ME2: variants seen among roughly 807,000 people sequenced by gnomAD.
ME2 encodes malic enzyme 2.
A neutral mutation model predicts 73.7 loss-of-function variants in ME2; 60 were observed. That is an observed-to-expected ratio of 0.81 (90% CI 0.66 to 1.01). ME2 has a LOEUF of 1.01. Among genes scored for constraint, ME2 ranks in the 50% least tolerant of loss-of-function variants. ME2 has a pLI of 0.00. For missense variants in ME2, 594 were observed against 705.5 expected (o/e 0.84, Z 1.79); for synonymous variants, 199 against 236.9 (o/e 0.84, Z 1.47).
At position 50,916,210 on chromosome 18, in the gene ME2, A is replaced by G. The variant is rs774463267; in HGVS notation, c.435A>G (p.Ser145=). The G allele has an allele frequency of 2.1e-5, 34 of 1,612,890 alleles. No homozygotes were observed. Among genetic ancestry groups the G allele is most frequent in the Non-Finnish European group, 2.7e-5 (32 of 1,179,400 alleles). The change falls in exon 5 of 16, where the codon TCA becomes TCG. Residue 145 remains serine (S), a synonymous_variant. Coordinates refer to ENST00000321341, the MANE Select transcript of ME2 (RefSeq NM_002396.5). ...ISISDRGHVR[S]IVDNWPENHV... ...TCTCAGACAGAGGTCATGTTAGATC[A>G]ATTGTGGATAACTGGCCAGAAAATC...
chr18:50,936,453 T>C (rs192128705), intron 13 of ME2, among the ~76,000 whole-genome samples: 17 of 152,254 alleles, frequency 1.1e-4, no homozygotes, highest in Admixed American at 9.8e-4. Flanking sequence ...AAGAAAGTTA[T>C]GAATAAGTGG....
chr18:50,909,777 G>T (rs1917102458), intron 3 of ME2, among the ~76,000 whole-genome samples: 1 of 152,160 alleles, frequency 6.6e-6, no homozygotes, highest in Non-Finnish European at 1.5e-5. Flanking sequence ...CAAGCTGGAA[G>T]AAAATTTAAT....
rs1372311505 is a variant in ME2, at chr18:50,920,478, C to G, written c.757C>G (p.Gln253Glu). ...TAGATATGGCCGGAACACACTCATT[C>G]AGTTCGAAGACTTTGGAAATCATAA... ...TDRYGRNTLI[Q>E]FEDFGNHNAF... Residue 253 changes from glutamine (Q) to glutamate (E), a missense_variant, in exon 8 of 16, where the codon CAG becomes GAG. Coordinates refer to ENST00000321341, the MANE Select transcript of ME2 (RefSeq NM_002396.5). The G allele has an allele frequency of 6.3e-7, 1 of 1,597,364 alleles. No homozygotes were observed. Among genetic ancestry groups the G allele is most frequent in the South Asian group, 1.2e-5 (1 of 86,678 alleles).
chr18:50,933,166 C>G (rs554223853), intron 13 of ME2: 1 of 152,226 alleles, frequency 6.6e-6, no homozygotes. Flanking sequence ...TATTAGGATT[C>G]CTTTCAATGT....
chr18:50,901,974 A>G (rs1916902403), intron 2 of ME2, among the ~76,000 whole-genome samples: 1 of 152,208 alleles, frequency 6.6e-6, no homozygotes, highest in Non-Finnish European at 1.5e-5. Context: ...TAAACCAAGT[A>G]TTCTTTTCAA....
intron 7 of ME2, among the ~76,000 whole-genome samples, chr18:50,919,508 C>T (rs912228507): frequency 6.6e-6 from 1 of 152,102 alleles, no homozygotes; most frequent in Non-Finnish European, 1.5e-5. Context: ...TTAGTTACCC[C>T]ATTACCTTCA....
At chr18:50,895,724 A>G (rs1192318786) in intron 1 of ME2, 85 bp from the exon 2 acceptor site, 2 of 817,240 alleles carry the variant, frequency 2.4e-6, no homozygotes, top group Non-Finnish European at 2.0e-6. Flanking sequence ...GGAAACATAA[A>G]TGTGTTTTGA....
At chr18:50,882,466 C>T (rs1916347289) in intron 1 of ME2, among the ~76,000 whole-genome samples, 1 of 152,132 alleles carries the variant, frequency 6.6e-6, no homozygotes, top group Non-Finnish European at 1.5e-5. Context: ...ATCAACATTA[C>T]TACACAGAAT....
rs1918267148 is a variant in ME2 at position 50,953,552 on chromosome 18, A to C, written c.*6368A>C. On this transcript the variant is annotated 3_prime_UTR_variant, in exon 16 of 16. Coordinates refer to ENST00000321341, the MANE Select transcript of ME2 (RefSeq NM_002396.5). The stretch of plus-strand genomic sequence containing the variant: ...GTTGAATTTAATAAATTACACCAAA[A>C]AGTCTCAGTAGCCAATTCACTAACA... The C allele has an allele frequency of 6.6e-6, 1 of 152,260 alleles. No individual in the cohort carries two copies. The allele number at this position is 152,260 out of a possible 1,614,324, so 9.4% of individuals were successfully genotyped here.
At chr18:50,882,324 G>T (rs1268276047) in intron 1 of ME2, among the ~76,000 whole-genome samples, 2 of 152,142 alleles carry the variant, frequency 1.3e-5, no homozygotes, top group Non-Finnish European at 2.9e-5. Context: ...TCCAGAACTT[G>T]CCCTTTGACC....
intron 12 of ME2, among the ~76,000 whole-genome samples, chr18:50,928,202 T>C (rs1243438961): frequency 6.6e-6 from 1 of 151,962 alleles, no homozygotes. Context: ...TCTTTTGTTC[T>C]GTCTTGGTTA....
chr18:50,880,323 C>A (rs895016051), intron 1 of ME2, among the ~76,000 whole-genome samples: 9 of 152,308 alleles, frequency 5.9e-5, no homozygotes, highest in Non-Finnish European at 1.0e-4. Context: ...TAGATTCAAA[C>A]TCAAGTGGTC....
Position 50,895,789 on chromosome 18 carries a change from A to G in ME2, c.-12-20A>G. 7 of 1,507,046 alleles carry G rather than the reference A, an allele frequency of 4.6e-6. No homozygotes were observed. The highest frequency in any genetic ancestry group is 6.4e-6 in the Non-Finnish European group (7 of 1,086,160). 93.4% of individuals were successfully genotyped at this position (1,507,046 alleles called of 1,614,324 possible). A position where few individuals can be genotyped will look rare whatever the true frequency, so the allele number is the denominator to read the frequency against. ...ATAATATGATTCTCTTCAGTGGTTT[A>G]TTTGCTTTGTTTTTCTCAGGTGAAA... On this transcript the variant is annotated intron_variant, in intron 1 of 15. Transcript: ENST00000321341.
intron 1 of ME2, among the ~76,000 whole-genome samples, chr18:50,882,813 G>A (rs9959158): frequency 0.02 from 3,079 of 152,210 alleles, 96 homozygotes; most frequent in African/African-American, 0.07. Flanking sequence ...GCTGGGCATG[G>A]TAGCACACAC....
intron 3 of ME2, among the ~76,000 whole-genome samples, chr18:50,911,036 C>A (rs971569560): frequency 1.3e-5 from 2 of 152,202 alleles, no homozygotes; most frequent in Non-Finnish European, 2.9e-5. Context: ...CATTGCTGAG[C>A]TATAATGATC....
At position 50,932,338 on chromosome 18, in the gene ME2, A is replaced by T; in HGVS notation, c.1395A>T (p.Gly465=). The change falls in exon 13 of 16, where the codon GGA becomes GGT. Residue 465 remains glycine (G), a synonymous_variant. Transcript: ENST00000321341. ...TDGRVFTPGQ[G]NNVYIFPGVA... ...GGCGAGTCTTTACACCAGGTCAAGG[A>T]AACAATGTTTATATTTTTCCAGGTA... 1.2e-6 allele frequency: 2 copies of T among 1,612,908 alleles called. No homozygotes were observed. The highest frequency in any genetic ancestry group is 1.7e-6 in the Non-Finnish European group (2 of 1,179,166).
chr18:50,932,750 G>A (rs1023535540), intron 13 of ME2: 2 of 155,190 alleles, frequency 1.3e-5, no homozygotes, highest in African/African-American at 4.8e-5. Flanking sequence ...TTATTTCCCA[G>A]GTTCAAGCAG....
At chr18:50,920,429 A>C (rs777427784) in intron 7 of ME2, 27 bp from the exon 8 acceptor site, 1 of 1,437,658 alleles carries the variant, frequency 7.0e-7, no homozygotes, top group South Asian at 1.2e-5. Context: ...TTTTCAACAC[A>C]ACTATTGTGG....
intron 1 of ME2, among the ~76,000 whole-genome samples, chr18:50,888,276 T>A (rs1916524138): frequency 1.3e-5 from 2 of 150,054 alleles, no homozygotes; most frequent in Admixed American, 1.3e-4. Flanking sequence ...GCCCCCGAGG[T>A]CGAGGCTGCA....
Sources: gnomAD v4.1 joint callset for allele counts (sites outside exome capture counted in the v4.1 genomes callset) on GRCh38, gnomAD v4.1.1 for gene constraint, MANE v1.5 for transcripts, NCBI Gene and HGNC (gene_info 2026-07-23, HGNC 2026-07-21) for gene names.